The following RBM19 variants were observed in gnomAD, a reference collection of about 807,000 sequenced individuals.
RBM19 encodes RNA binding motif protein 19.
RBM19 carries 94 observed loss-of-function variants against 116.8 expected under a neutral mutation model. The ratio of observed to expected loss-of-function variants is 0.80; its 90% CI spans 0.68 to 0.95. The LOEUF is 0.95. Ranked by LOEUF, RBM19 falls within the 40% of genes least tolerant of loss-of-function variation. RBM19 has a pLI of 0.00. For missense variants in RBM19, 1,161 were observed against 1,220.7 expected (o/e 0.95, Z 0.73); for synonymous variants, 475 against 494.1 (o/e 0.96, Z 0.51).
downstream of RBM19, among the ~76,000 whole-genome samples, chr12:113,818,439 C>T (rs1211753218): frequency 6.6e-6 from 1 of 152,138 alleles, no homozygotes; most frequent in African/African-American, 2.4e-5. Flanking sequence ...ATCATAGGCT[C>T]CTCCCCAACA....
intron 21 of RBM19, among the ~76,000 whole-genome samples, chr12:113,873,489 G>GT (rs1293467395): frequency 1.1e-5 from 1 of 90,526 alleles, no homozygotes; most frequent in Non-Finnish European, 2.2e-5. Context: ...CAGCATGCTC[G>GT]TTAAGAGTCA....
At chr12:113,858,364 A>G (rs1184787590) in intron 22 of RBM19, among the ~76,000 whole-genome samples, 1 of 152,248 alleles carries the variant, frequency 6.6e-6, no homozygotes, top group Admixed American at 6.5e-5. Flanking sequence ...AGGAAGGGGA[A>G]GACGCATTCC....
chr12:113,848,195 T>C (rs1593478479), intron 22 of RBM19, among the ~76,000 whole-genome samples: 1 of 152,228 alleles, frequency 6.6e-6, no homozygotes, highest in Non-Finnish European at 1.5e-5. Context: ...AGATTGGCTG[T>C]TATTATGATG....
chr12:113,906,755 G>A (rs10774719), intron 21 of RBM19, among the ~76,000 whole-genome samples: 109,301 of 151,498 alleles, frequency 0.72, 40,002 homozygotes, highest in East Asian at 0.98. Context: ...TAACTGCCCA[G>A]TCTAAGATTC....
At chr12:113,924,013 A>G (rs1429559052) in intron 18 of RBM19, among the ~76,000 whole-genome samples, 2 of 152,216 alleles carry the variant, frequency 1.3e-5, no homozygotes, top group Non-Finnish European at 2.9e-5. Context: ...TAGCATTCCT[A>G]CAAATCCTGC....
intron 21 of RBM19, among the ~76,000 whole-genome samples, chr12:113,908,548 G>A (rs1442707939): frequency 7.7e-6 from 1 of 129,196 alleles, no homozygotes; most frequent in African/African-American, 2.9e-5. Context: ...CTAGCAGGTG[G>A]TTCACACCTC....
At chr12:113,836,081 C>T (rs562931974) in intron 23 of RBM19, among the ~76,000 whole-genome samples, 193 of 152,320 alleles carry the variant, frequency 1.3e-3, no homozygotes, top group African/African-American at 4.0e-3. Context: ...ACACAGCCAG[C>T]GGCGGACTTT....
In RBM19 at chr12:113,880,195, C is replaced by T. The variant is rs375437874; in HGVS notation, c.2559-21299G>A. On this transcript the variant is annotated intron_variant, in intron 21 of 23. Coordinates refer to ENST00000261741, the MANE Select transcript of RBM19 (RefSeq NM_016196.4). ...CATACTTATGCCCAAAAAAACAAAA[C>T]AAAACAAAACAAAAAAACCACTTAA... Among the ~76,000 whole-genome samples, 11 of 152,058 alleles carry T rather than the reference C, an allele frequency of 7.2e-5. No homozygotes were observed. The South Asian group carries it at 1.2e-3, about 17-fold the overall frequency.
intron 23 of RBM19, among the ~76,000 whole-genome samples, chr12:113,839,469 G>C (rs1246117022): frequency 6.6e-6 from 1 of 152,248 alleles, no homozygotes; most frequent in East Asian, 1.9e-4. Context: ...CACACTCCCA[G>C]GGGAGGACGG....
intron 14 of RBM19, among the ~76,000 whole-genome samples, chr12:113,941,107 C>T (rs1014591106): frequency 6.6e-6 from 1 of 152,154 alleles, no homozygotes; most frequent in African/African-American, 2.4e-5. Flanking sequence ...AACCTGAGAC[C>T]TTGGGTCAAT....
chr12:113,885,224 G>C (rs534191204), intron 21 of RBM19, among the ~76,000 whole-genome samples: 1 of 152,322 alleles, frequency 6.6e-6, no homozygotes, highest in East Asian at 1.9e-4. Flanking sequence ...TTAACCAAAT[G>C]ATCAAAGATA....
intron 15 of RBM19, 69 bp downstream of exon 15, chr12:113,939,891 C>A: frequency 6.5e-7 from 1 of 1,531,984 alleles, no homozygotes. Context: ...TAGCCCACTG[C>A]ACCCTCTCCC....
intron 21 of RBM19, among the ~76,000 whole-genome samples, chr12:113,879,086 G>A (rs568028792): frequency 1.8e-4 from 28 of 152,206 alleles, no homozygotes; most frequent in Admixed American, 5.9e-4. Context: ...CCCCGTCCCC[G>A]CCAGCGTTCT....
At chr12:113,941,552 C>CCCATCCATCCATCCAT (rs1197172785) in intron 14 of RBM19, among the ~76,000 whole-genome samples, 8 of 151,344 alleles carry the variant, frequency 5.3e-5, no homozygotes, top group African/African-American at 1.2e-4. Flanking sequence ...CATCTATCTA[C>CCCATCCATCCATCCAT]CCATCCATCC....
At chr12:113,820,365 C>T (rs937658041), downstream of RBM19, among the ~76,000 whole-genome samples, 6 of 151,846 alleles carry the variant, frequency 4.0e-5, no homozygotes, top group South Asian at 2.1e-4. Flanking sequence ...AATAAAAAGG[C>T]GCCACGCAGG....
intron 23 of RBM19, among the ~76,000 whole-genome samples, chr12:113,833,283 T>C (rs1013888388): frequency 6.6e-6 from 1 of 152,206 alleles, no homozygotes; most frequent in African/African-American, 2.4e-5. Context: ...GCTCTACCTT[T>C]ACCCAAAATG....
At chr12:113,914,930 C>T (rs1284832603) in intron 21 of RBM19, 39 bp downstream of exon 21, 1 of 1,567,604 alleles carries the variant, frequency 6.4e-7, no homozygotes, top group Admixed American at 1.7e-5. Flanking sequence ...GGCTCCCCGC[C>T]CACACGCCAG....
chr12:113,952,673 T>C, intron 7 of RBM19, 83 bp from the exon 8 acceptor site: 2 of 1,076,074 alleles, frequency 1.9e-6, no homozygotes, highest in Middle Eastern at 2.0e-4. Flanking sequence ...AATTTCTAAA[T>C]CAGAAAGGAT....
chr12:113,937,521 G>A (rs180999793), intron 15 of RBM19, among the ~76,000 whole-genome samples: 9 of 152,226 alleles, frequency 5.9e-5, no homozygotes, highest in Admixed American at 3.9e-4. Flanking sequence ...TAAAATACCC[G>A]TTAAGAGAAC....
Sources: allele counts gnomAD v4.1 joint callset (sites outside exome capture counted in the v4.1 genomes callset), GRCh38; gene constraint gnomAD v4.1.1; transcripts MANE v1.5; gene names NCBI Gene and HGNC (gene_info 2026-07-23, HGNC 2026-07-21).